Variants in TBX15 observed in about 807,000 individuals in gnomAD.
The protein encoded by TBX15 is T-box transcription factor 15.
A neutral mutation model predicts 53.9 loss-of-function variants in TBX15; 18 were observed. The observed-to-expected ratio is 0.33, with a 90% CI of 0.23 to 0.49. TBX15 has a LOEUF of 0.49. TBX15 is among the 20% of genes least tolerant of loss of function. TBX15 has a pLI of 0.98. For missense variants in TBX15, 692 were observed against 749.5 expected, an observed-to-expected ratio of 0.92 and a Z score of 0.90; for synonymous variants, 295 against 278.0, an observed-to-expected ratio of 1.06 and a Z score of -0.61.
chr1:118,972,581 C>T (rs1423956129), intron 1 of TBX15, among the ~76,000 whole-genome samples: 1 of 152,048 alleles, frequency 6.6e-6, no homozygotes, highest in Non-Finnish European at 1.5e-5. Flanking sequence ...CCAACACTCT[C>T]CAAATGGTTT....
chr1:118,968,578 C>T (rs1171273447), intron 1 of TBX15, among the ~76,000 whole-genome samples: 3 of 152,126 alleles, frequency 2.0e-5, no homozygotes, highest in Non-Finnish European at 2.9e-5. Context: ...TATATACACA[C>T]ATACACATAT....
At chr1:118,937,979 C>G (rs553268013) in intron 1 of TBX15, among the ~76,000 whole-genome samples, 1 of 152,128 alleles carries the variant, frequency 6.6e-6, no homozygotes, top group Non-Finnish European at 1.5e-5. Flanking sequence ...CAGAGGACCT[C>G]TGCAGTGGAA....
chr1:118,926,976 G>A (rs1309874428), intron 2 of TBX15, among the ~76,000 whole-genome samples: 2 of 151,808 alleles, frequency 1.3e-5, no homozygotes, highest in Non-Finnish European at 2.9e-5. Context: ...TGCCCACCTC[G>A]GCCTCCCAAA....
chr1:118,981,229 C>A (rs1014046495), intron 1 of TBX15, among the ~76,000 whole-genome samples: 2 of 151,830 alleles, frequency 1.3e-5, no homozygotes, highest in Non-Finnish European at 2.9e-5. Context: ...GCTTTAGAAT[C>A]GTCCCATGAT....
At chr1:118,920,050 A>G (rs1655370329) in intron 5 of TBX15, among the ~76,000 whole-genome samples, 2 of 152,218 alleles carry the variant, frequency 1.3e-5, no homozygotes, top group South Asian at 4.1e-4. Flanking sequence ...TTTGTAAATG[A>G]GAATACTAAG....
chr1:118,974,845 G>A (rs1227977312), intron 1 of TBX15, among the ~76,000 whole-genome samples: 2 of 152,204 alleles, frequency 1.3e-5, no homozygotes, highest in African/African-American at 2.4e-5. Flanking sequence ...CTAATCCTAG[G>A]GCATTAAAAA....
chr1:118,905,608 A>G (rs1654790759), intron 6 of TBX15, among the ~76,000 whole-genome samples: 1 of 152,230 alleles, frequency 6.6e-6, no homozygotes, highest in Non-Finnish European at 1.5e-5. Flanking sequence ...TGCCTGCTGG[A>G]GTGTCCAGCA....
intron 7 of TBX15, among the ~76,000 whole-genome samples, chr1:118,889,437 G>A (rs879711982): frequency 1.3e-5 from 2 of 152,182 alleles, no homozygotes; most frequent in Non-Finnish European, 2.9e-5. Flanking sequence ...GGGCAGGGTG[G>A]GACACCAGTC....
At chr1:118,925,542 C>T (rs988407428) in intron 3 of TBX15, among the ~76,000 whole-genome samples, 6 of 152,164 alleles carry the variant, frequency 3.9e-5, no homozygotes, top group African/African-American at 1.4e-4. Flanking sequence ...TCAGTTTTCC[C>T]GACTTTGCCA....
chr1:118,901,676 A>T (rs1226856065), intron 6 of TBX15, among the ~76,000 whole-genome samples: 1 of 152,182 alleles, frequency 6.6e-6, no homozygotes, highest in African/African-American at 2.4e-5. Context: ...TATAACTCTT[A>T]TGACACCATC....
intron 1 of TBX15, among the ~76,000 whole-genome samples, chr1:118,940,983 A>G (rs1656159411): frequency 6.7e-6 from 1 of 149,780 alleles, no homozygotes; most frequent in Admixed American, 6.6e-5. Context: ...ATTCTGATAA[A>G]CTGGGTGGTC....
At chr1:118,941,684 C>A (rs1408731368) in intron 1 of TBX15, among the ~76,000 whole-genome samples, 3 of 152,074 alleles carry the variant, frequency 2.0e-5, no homozygotes, top group African/African-American at 7.2e-5. Flanking sequence ...ATTAGGGGCA[C>A]AAAATTGAGT....
chr1:118,950,891 T>C (rs1019421722), intron 1 of TBX15, among the ~76,000 whole-genome samples: 3 of 152,202 alleles, frequency 2.0e-5, no homozygotes, highest in Non-Finnish European at 4.4e-5. Context: ...CATGTCATCT[T>C]GGTTCCTTAC....
intron 5 of TBX15, among the ~76,000 whole-genome samples, chr1:118,919,676 A>G (rs1360618049): frequency 1.3e-5 from 2 of 152,242 alleles, no homozygotes; most frequent in Non-Finnish European, 2.9e-5. Context: ...TTTGCCAACC[A>G]TATATATTCA....
At chr1:118,959,404 G>A (rs1656793363) in intron 1 of TBX15, among the ~76,000 whole-genome samples, 1 of 152,186 alleles carries the variant, frequency 6.6e-6, no homozygotes, top group South Asian at 2.1e-4. Flanking sequence ...AACATGAAAT[G>A]TACAAGGTGT....
At chr1:118,971,547 TA>T (rs2101701421) in intron 1 of TBX15, among the ~76,000 whole-genome samples, 1 of 152,340 alleles carries the variant, frequency 6.6e-6, no homozygotes, top group East Asian at 1.9e-4. Context: ...TTGGGGCTTG[TA>T]AAATAAATAT....
chr1:118,987,998 C>A lies in TBX15; in HGVS notation c.-203G>T, dbSNP rs998219371. ...CTGCCGGATCCGACCTGCGCCCCTA[C>A]GCTGGCCCAGCTGCTAGGAACTAGC... On this transcript the variant is annotated 5_prime_UTR_variant, in exon 1 of 8. Transcript: ENST00000369429. The A allele has an allele frequency of 6.0e-6, 4 of 671,112 alleles. No homozygotes were observed. Among genetic ancestry groups the A allele is most frequent in the African/African-American group, 5.5e-5 (3 of 54,498 alleles). The allele number at this position is 671,112 out of a possible 1,614,324, so 41.6% of individuals were successfully genotyped here. A position where few individuals can be genotyped will look rare whatever the true frequency, so the allele number is the denominator to read the frequency against.
At chr1:118,887,028 C>G (rs1445538165) in intron 7 of TBX15, among the ~76,000 whole-genome samples, 6 of 152,226 alleles carry the variant, frequency 3.9e-5, no homozygotes, top group African/African-American at 1.2e-4. Context: ...CGAGCCTCCT[C>G]TTTCCCAAAG....
chr1:118,953,090 A>C (rs79935313), intron 1 of TBX15, among the ~76,000 whole-genome samples: 22 of 151,644 alleles, frequency 1.5e-4, no homozygotes, highest in Admixed American at 6.6e-4. Context: ...AAAAAAAAAA[A>C]ATACACCTGT....
Sources: gnomAD v4.1 joint callset for allele counts (sites outside exome capture counted in the v4.1 genomes callset) on GRCh38, gnomAD v4.1.1 for gene constraint, MANE v1.5 for transcripts, NCBI Gene and HGNC (gene_info 2026-07-23, HGNC 2026-07-21) for gene names.